ADAM7: variants seen among roughly 807,000 people sequenced by gnomAD.
ADAM7 encodes the protein ADAM metallopeptidase domain 7.
A neutral mutation model predicts 102.9 loss-of-function variants in ADAM7; 97 were observed. The observed-to-expected ratio is 0.94, with a 90% CI of 0.80 to 1.12. The LOEUF (loss-of-function observed/expected upper bound fraction) is 1.12. Among genes scored for constraint, ADAM7 ranks in the 50% most tolerant of loss-of-function variants. ADAM7 has a pLI of 0.00. For synonymous variants in ADAM7, 334 were observed against 304.4 expected, an observed-to-expected ratio of 1.10 and a Z score of -1.01; for missense variants, 991 against 908.7, an observed-to-expected ratio of 1.09 and a Z score of -1.16.
At chr8:24,504,545 G>A (rs1351787653) in intron 20 of ADAM7, among the ~76,000 whole-genome samples, 1 of 152,052 alleles carries the variant, frequency 6.6e-6, no homozygotes, top group African/African-American at 2.4e-5. Flanking sequence ...AGAAGGGATC[G>A]AAAGGCCCAA....
In ADAM7 at chr8:24,460,703, A is replaced by G. The variant is rs77972277; in HGVS notation, c.234-3179A>G. ...CACTCCTTATTTGTGAAAAGTTGCC[A>G]TATATATATACATATACACATATAT... On this transcript the variant is annotated intron_variant, in intron 3 of 21. Coordinates refer to ENST00000175238, the MANE Select transcript of ADAM7 (RefSeq NM_003817.4). 6.0e-3 allele frequency among the ~76,000 whole-genome samples: 911 copies of G among 151,314 alleles called. 5 individuals carry two copies. Among genetic ancestry groups the G allele is most frequent in the Non-Finnish European group, 0.011 (735 of 67,834 alleles).
Position 24,442,961 on chromosome 8 carries a change from A to G in ADAM7, c.156+385A>G, listed in dbSNP as rs1818425051. Among the ~76,000 whole-genome samples, 5 of 152,326 alleles carry G rather than the reference A, an allele frequency of 3.3e-5. No individual in the cohort carries two copies. In the South Asian group the frequency reaches 1.0e-3, roughly 32 times the overall value. ...TGCAGCAAAGATGTGCAACTTTCAGAGGAACTCAAAGGCCTGCTTGGTCTG... is the reference window on the plus strand; with the variant it reads ...TGCAGCAAAGATGTGCAACTTTCAGGGGAACTCAAAGGCCTGCTTGGTCTG... On this transcript the variant is annotated intron_variant, in intron 2 of 21. Coordinates refer to ENST00000175238, the MANE Select transcript of ADAM7 (RefSeq NM_003817.4).
intron 8 of ADAM7, among the ~76,000 whole-genome samples, chr8:24,481,767 T>C (rs765746491): frequency 6.6e-6 from 1 of 152,194 alleles, no homozygotes. Context: ...GCCTGAAGTA[T>C]GAAGGTGCAT....
chr8:24,447,667 C>G (rs558638429), intron 3 of ADAM7, among the ~76,000 whole-genome samples: 1 of 152,196 alleles, frequency 6.6e-6, no homozygotes, highest in South Asian at 2.1e-4. Context: ...AGAAATGTAG[C>G]GCATTTGCTT....
intron 3 of ADAM7, among the ~76,000 whole-genome samples, chr8:24,451,279 C>T (rs1818778148): frequency 6.6e-6 from 1 of 152,030 alleles, no homozygotes; most frequent in Non-Finnish European, 1.5e-5. Context: ...CCATCTGGTC[C>T]TCGACTCTTT....
intron 3 of ADAM7, among the ~76,000 whole-genome samples, chr8:24,456,492 C>G (rs1009273567): frequency 5.3e-5 from 8 of 152,190 alleles, no homozygotes; most frequent in African/African-American, 1.7e-4. Context: ...TAAACACCCA[C>G]AAGTGGAATT....
chr8:24,503,864 T>G (rs1266500597), intron 20 of ADAM7, among the ~76,000 whole-genome samples: 2 of 151,752 alleles, frequency 1.3e-5, no homozygotes, highest in African/African-American at 4.8e-5. Flanking sequence ...CATCACACAC[T>G]GAGGCCTGTC....
At position 24,476,426 on chromosome 8, in the gene ADAM7, T is replaced by A. The variant is rs1487884116; in HGVS notation, c.634-7T>A. ...AATGAATATTAATATGATATTTATATTTCCAGTATCGCAGAAATGGTCATC... is the reference window on the plus strand; with the variant it reads ...AATGAATATTAATATGATATTTATAATTCCAGTATCGCAGAAATGGTCATC... On this transcript the variant is annotated splice_region_variant and splice_polypyrimidine_tract_variant and intron_variant, in intron 7 of 21. Coordinates refer to ENST00000175238, the MANE Select transcript of ADAM7 (RefSeq NM_003817.4). 6.3e-7 allele frequency: 1 copy of A among 1,588,228 alleles called. No individual in the cohort carries two copies. The highest frequency in any genetic ancestry group is 8.6e-7 in the Non-Finnish European group (1 of 1,161,522).
chr8:24,466,032 C>T (rs1819413002), intron 5 of ADAM7, among the ~76,000 whole-genome samples: 1 of 152,216 alleles, frequency 6.6e-6, no homozygotes, highest in Non-Finnish European at 1.5e-5. Flanking sequence ...TACTGAAAAT[C>T]ATTTAGTCTG....
At chr8:24,443,443 G>T (rs59342491) in intron 2 of ADAM7, among the ~76,000 whole-genome samples, 1 of 152,004 alleles carries the variant, frequency 6.6e-6, no homozygotes, top group Non-Finnish European at 1.5e-5. Flanking sequence ...GTCTCCTCCC[G>T]TTTGGAAGTA....
intron 9 of ADAM7, 134 bp downstream of exon 9, chr8:24,482,445 T>C (rs987250499): frequency 4.6e-6 from 4 of 873,332 alleles, no homozygotes; most frequent in African/African-American, 3.5e-5. Context: ...ATGTTATTTG[T>C]AGCTACACAG....
chr8:24,451,585 C>T (rs923673715), intron 3 of ADAM7, among the ~76,000 whole-genome samples: 2 of 151,924 alleles, frequency 1.3e-5, no homozygotes, highest in African/African-American at 4.8e-5. Context: ...TTTTGTTGAT[C>T]CTTTCAAAAA....
chr8:24,484,327 C>A (rs1421539126), intron 9 of ADAM7, among the ~76,000 whole-genome samples: 2 of 152,140 alleles, frequency 1.3e-5, no homozygotes, highest in Non-Finnish European at 2.9e-5. Flanking sequence ...TCTTTGAGTT[C>A]TATTACATTC....
chr8:24,476,585 T>A, intron 8 of ADAM7, 81 bp downstream of exon 8: 2 of 1,074,704 alleles, frequency 1.9e-6, no homozygotes, highest in Admixed American at 1.9e-5. Context: ...GCTGGACTAT[T>A]GTAGTTACCT....
intron 2 of ADAM7, among the ~76,000 whole-genome samples, chr8:24,443,545 C>T (rs549678101): frequency 1.3e-5 from 2 of 152,190 alleles, no homozygotes; most frequent in Non-Finnish European, 2.9e-5. Context: ...TGGTACTCAG[C>T]TAAGGGGGCT....
At position 24,508,875 on chromosome 8, in the gene ADAM7, T is replaced by G; in HGVS notation, c.*329T>G. ...TCTGCTTTCTTTTAAGAATCCAAAC[T>G]TTAAGGATGATAACTTACAGTCTAA... On this transcript the variant is annotated 3_prime_UTR_variant, in exon 22 of 22. Transcript: ENST00000175238. The G allele has an allele frequency of 2.6e-6, 3 of 1,157,196 alleles. No individual in the cohort carries two copies. The highest frequency in any genetic ancestry group is 3.2e-6 in the Non-Finnish European group (3 of 941,000). The allele number at this position is 1,157,196 out of a possible 1,614,324, so 71.7% of individuals were successfully genotyped here.
intron 20 of ADAM7, among the ~76,000 whole-genome samples, chr8:24,504,034 AAAATAAAATAAAATAAAATAAAATAAAAT>A (rs1820858549): frequency 1.3e-5 from 1 of 78,550 alleles, no homozygotes; most frequent in Non-Finnish European, 3.2e-5. Context: ...AAAATAAAAT[AAAATAAAATAAAATAAAATAAAATAAAAT>A]AAATAAAATA....
At chr8:24,499,034 G>A (rs1820654374) in intron 16 of ADAM7, among the ~76,000 whole-genome samples, 1 of 151,808 alleles carries the variant, frequency 6.6e-6, no homozygotes, top group Admixed American at 6.6e-5. Flanking sequence ...CATCTATAGA[G>A]GATTTCTCTA....
In ADAM7 at chr8:24,482,172, T is replaced by C. The variant is rs200376967; in HGVS notation, c.736T>C (p.Leu246=). ...TAAAACCTTAAACATCCATGTGACG[T>C]TGGTTGGCATTGAAATATGGACACA... The part of the protein sequence containing the change: ...IYKTLNIHVT[L]VGIEIWTHED... Residue 246 remains leucine (L), a synonymous_variant, in exon 9 of 22, where the codon TTG becomes CTG. Coordinates refer to ENST00000175238, the MANE Select transcript of ADAM7 (RefSeq NM_003817.4). 6.9e-6 allele frequency: 11 copies of C among 1,594,106 alleles called. No homozygotes were observed. The East Asian group carries it at 2.0e-4, about 29-fold the overall frequency.
Sources: allele counts gnomAD v4.1 joint callset (sites outside exome capture counted in the v4.1 genomes callset), GRCh38; gene constraint gnomAD v4.1.1; transcripts MANE v1.5; gene names NCBI Gene and HGNC (gene_info 2026-07-23, HGNC 2026-07-21).